SLC39A11: variants seen among roughly 807,000 people sequenced by gnomAD.
The protein encoded by SLC39A11 is solute carrier family 39 member 11.
Under a neutral mutation model 36.1 loss-of-function variants are expected in SLC39A11, and 33 were observed. The observed-to-expected ratio is 0.91, with a 90% CI of 0.69 to 1.22. The LOEUF (loss-of-function observed/expected upper bound fraction) is 1.22, where lower values mean the gene tolerates loss of function less well. Among genes scored for constraint, SLC39A11 ranks in the 50% most tolerant of loss-of-function variants. The pLI is 0.00. For missense variants in SLC39A11, 432 were observed against 430.3 expected (o/e 1.00, Z -0.03); for synonymous variants, 166 against 170.3 (o/e 0.97, Z 0.20).
chr17:73,078,956 C>CAT (rs2060422577), intron 3 of SLC39A11, among the ~76,000 whole-genome samples: 1 of 152,014 alleles, frequency 6.6e-6, no homozygotes, highest in African/African-American at 2.4e-5. Context: ...CACACACACA[C>CAT]AAATGCACCA....
chr17:73,062,475 A>AAAAAAAAAAAAAACAAAAC lies in SLC39A11; in HGVS notation c.147+22332_147+22333insGTTTTGTTTTTTTTTTTTT, dbSNP rs56021607. Among the ~76,000 whole-genome samples the AAAAAAAAAAAAAACAAAAC allele has an allele frequency of 8.4e-4, 73 of 87,042 alleles. 2 individuals are homozygous for AAAAAAAAAAAAAACAAAAC. The highest frequency in any genetic ancestry group is 1.9e-3 in the Admixed American group (13 of 6,722). 57.1% of individuals were successfully genotyped at this position (87,042 alleles called of 152,430 possible). On this transcript the variant is annotated intron_variant, in intron 3 of 9. Transcript: ENST00000255559. Reference sequence around the variant, plus strand: ...AGAGCTTGTCTCAAAAAAAAAAAAAAAAACTTTAGGTGATACACTTCTGCT... The same window carrying AAAAAAAAAAAAAACAAAAC: ...AGAGCTTGTCTCAAAAAAAAAAAAAAAAAAAAAAAAAAACAAAACAAACTTTAGGTGATACACTTCTGCT...
chr17:72,746,794 C>T (rs1457617641), intron 6 of SLC39A11, among the ~76,000 whole-genome samples: 1 of 151,604 alleles, frequency 6.6e-6, no homozygotes, highest in African/African-American at 2.4e-5. Flanking sequence ...CACCTGTAGT[C>T]CCAGCTACTA....
At chr17:72,923,099 T>C (rs1157621640) in intron 5 of SLC39A11, among the ~76,000 whole-genome samples, 1 of 152,032 alleles carries the variant, frequency 6.6e-6, no homozygotes, top group African/African-American at 2.4e-5. Flanking sequence ...TGTCATTTTC[T>C]ATCTAACACT....
intron 6 of SLC39A11, among the ~76,000 whole-genome samples, chr17:72,829,385 G>A (rs1684525842): frequency 1.3e-5 from 2 of 151,924 alleles, no homozygotes; most frequent in South Asian, 4.2e-4. Flanking sequence ...AAGCAGTGGG[G>A]CTGGAAAAGG....
chr17:72,935,663 A>G (rs2084696482), intron 5 of SLC39A11, among the ~76,000 whole-genome samples: 1 of 151,914 alleles, frequency 6.6e-6, no homozygotes, highest in South Asian at 2.1e-4. Context: ...TGCTGCCTCT[A>G]CCTCCCGGGT....
intron 4 of SLC39A11, among the ~76,000 whole-genome samples, chr17:73,026,123 G>GAGAGA (rs373872157): frequency 1.3e-4 from 20 of 149,966 alleles, no homozygotes; most frequent in Non-Finnish European, 1.6e-4. Context: ...CCTCGGAAGA[G>GAGAGA]AGAGAAGAGA....
At chr17:73,091,581 CAG>C (rs1473428521) in intron 1 of SLC39A11, among the ~76,000 whole-genome samples, 6 of 151,172 alleles carry the variant, frequency 4.0e-5, no homozygotes, top group Non-Finnish European at 7.3e-5. Flanking sequence ...AAGTTTTCTG[CAG>C]AGTCTCAAGA....
intron 7 of SLC39A11, among the ~76,000 whole-genome samples, chr17:72,688,298 G>T (rs564273030): frequency 4.6e-5 from 7 of 152,344 alleles, no homozygotes; most frequent in Non-Finnish European, 7.3e-5. Context: ...AGAAGCTGGT[G>T]CCAGGCTACG....
chr17:72,837,870 C>A, intron 6 of SLC39A11: 2 of 1,047,224 alleles, frequency 1.9e-6, no homozygotes. Flanking sequence ...TAGATTAGTG[C>A]AGGGGCTGGA....
Position 72,752,357 on chromosome 17 carries a change from G to A in SLC39A11, c.602-15638C>T, listed in dbSNP as rs762246358. Among the ~76,000 whole-genome samples, 26 of 151,998 alleles carry A rather than the reference G, an allele frequency of 1.7e-4. 1 individual carries two copies. Among genetic ancestry groups the A allele is most frequent in the Non-Finnish European group, 3.4e-4 (23 of 67,986 alleles). ...CCTCCCGGGTTCCAGCAATTCTCCTGCCTCAGCCTCCCAGGTAGCTGGGAT... is the reference window on the plus strand; with the variant it reads ...CCTCCCGGGTTCCAGCAATTCTCCTACCTCAGCCTCCCAGGTAGCTGGGAT... On this transcript the variant is annotated intron_variant, in intron 6 of 9. Coordinates refer to ENST00000255559, the MANE Select transcript of SLC39A11 (RefSeq NM_139177.4).
chr17:72,710,737 C>T (rs1028849546), intron 7 of SLC39A11, among the ~76,000 whole-genome samples: 6 of 152,218 alleles, frequency 3.9e-5, no homozygotes, highest in Non-Finnish European at 7.3e-5. Context: ...CAAGAAGCCA[C>T]GTAGTGTCTT....
At chr17:73,088,894 A>G in intron 1 of SLC39A11, 119 bp from the exon 2 acceptor site, 2 of 689,664 alleles carry the variant, frequency 2.9e-6, no homozygotes, top group South Asian at 3.3e-5. Flanking sequence ...GACCGTATGC[A>G]CCCTTCCACC....
chr17:72,698,977 C>T (rs529905914), intron 7 of SLC39A11, among the ~76,000 whole-genome samples: 5 of 152,210 alleles, frequency 3.3e-5, no homozygotes, highest in Admixed American at 2.6e-4. Context: ...ACTACAGGCG[C>T]CCGCCACCAC....
At chr17:72,914,331 G>GA (rs1025948050) in intron 5 of SLC39A11, among the ~76,000 whole-genome samples, 9 of 146,660 alleles carry the variant, frequency 6.1e-5, no homozygotes, top group African/African-American at 2.2e-4. Context: ...AAAAAAAAAA[G>GA]AAAAAAGAAT....
intron 4 of SLC39A11, among the ~76,000 whole-genome samples, chr17:73,000,257 C>T (rs2089744413): frequency 6.6e-6 from 1 of 150,674 alleles, no homozygotes. Flanking sequence ...CCTTCTCCCT[C>T]TCCTCTCATC....
At chr17:72,793,641 G>T (rs1006151500) in intron 6 of SLC39A11, among the ~76,000 whole-genome samples, 2 of 151,990 alleles carry the variant, frequency 1.3e-5, no homozygotes, top group African/African-American at 4.8e-5. Context: ...TGTTACCCAG[G>T]CTGGTCTCAA....
chr17:72,883,385 C>A (rs2081300138), intron 5 of SLC39A11, among the ~76,000 whole-genome samples: 1 of 152,038 alleles, frequency 6.6e-6, no homozygotes, highest in Non-Finnish European at 1.5e-5. Flanking sequence ...ATGAAAATCA[C>A]AGAGATGACC....
intron 7 of SLC39A11, among the ~76,000 whole-genome samples, chr17:72,720,083 G>T (rs756414065): frequency 1.3e-5 from 2 of 152,164 alleles, no homozygotes; most frequent in Admixed American, 6.5e-5. Context: ...AGCTGACCAC[G>T]CATTGCCTGG....
intron 4 of SLC39A11, among the ~76,000 whole-genome samples, chr17:73,002,871 A>T (rs952194082): frequency 6.6e-6 from 1 of 152,204 alleles, no homozygotes; most frequent in African/African-American, 2.4e-5. Flanking sequence ...CCTCCCTCCA[A>T]TTCAGCCTCT....
Sources: gnomAD v4.1 joint callset for allele counts (sites outside exome capture counted in the v4.1 genomes callset) on GRCh38, gnomAD v4.1.1 for gene constraint, MANE v1.5 for transcripts, NCBI Gene and HGNC (gene_info 2026-07-23, HGNC 2026-07-21) for gene names.